The following ZFYVE9 variants were observed in gnomAD, a reference collection of about 807,000 sequenced individuals.
The protein encoded by ZFYVE9 is zinc finger FYVE domain-containing protein 9.
In ZFYVE9, 43 loss-of-function variants were observed where a neutral mutation model predicts 126.7. The ratio of observed to expected loss-of-function variants is 0.34; its 90% CI spans 0.27 to 0.44. The LOEUF is 0.44. Among genes scored for constraint, ZFYVE9 ranks in the 20% least tolerant of loss-of-function variants. The probability of loss-of-function intolerance (pLI) is 1.00; values close to 1 mark genes in which losing one functional copy is unlikely to be tolerated. For synonymous variants in ZFYVE9, 521 were observed against 597.4 expected (o/e 0.87, Z 1.87); for missense variants, 1,476 against 1,697.0 (o/e 0.87, Z 2.29).
rs561348268 is a variant in ZFYVE9, at chr1:52,269,144, C to A, written c.2625+512C>A. ...ACATTAGGATTGGATACTTTTTTTT[C>A]TTTTTTTGAGATAGAGTCTCTGTTG... On this transcript the variant is annotated intron_variant, in intron 7 of 18. Coordinates refer to ENST00000287727, the MANE Select transcript of ZFYVE9 (RefSeq NM_004799.4). 5.3e-5 allele frequency among the ~76,000 whole-genome samples: 8 copies of A among 151,700 alleles called. No homozygotes were observed. The East Asian group carries it at 1.5e-3, about 29-fold the overall frequency.
intron 4 of ZFYVE9, chr1:52,254,108 G>A: frequency 2.6e-6 from 2 of 756,258 alleles, no homozygotes; most frequent in Non-Finnish European, 4.5e-6. Flanking sequence ...ATACACACTG[G>A]TAGAAGAGAG....
intron 1 of ZFYVE9, among the ~76,000 whole-genome samples, chr1:52,168,494 G>A (rs996782844): frequency 6.6e-6 from 1 of 151,468 alleles, no homozygotes; most frequent in Admixed American, 6.6e-5. Flanking sequence ...TAGGATTACA[G>A]GCGTGAGCCA....
intron 1 of ZFYVE9, among the ~76,000 whole-genome samples, chr1:52,170,045 T>C (rs1297325396): frequency 6.6e-6 from 1 of 152,222 alleles, no homozygotes; most frequent in Non-Finnish European, 1.5e-5. Flanking sequence ...TGAAAAATTT[T>C]ATTGCTCTTT....
At chr1:52,318,806 C>T (rs369754452) in intron 13 of ZFYVE9, among the ~76,000 whole-genome samples, 5 of 151,898 alleles carry the variant, frequency 3.3e-5, no homozygotes, top group African/African-American at 9.7e-5. Context: ...AATTTAATAA[C>T]GATACAGTAG....
intron 1 of ZFYVE9, among the ~76,000 whole-genome samples, chr1:52,195,303 G>T (rs1644850141): frequency 6.6e-6 from 1 of 152,340 alleles, no homozygotes; most frequent in African/African-American, 2.4e-5. Flanking sequence ...TACATACCTA[G>T]TGGTTAAGAA....
chr1:52,333,321 A>G (rs1646360405), intron 14 of ZFYVE9, among the ~76,000 whole-genome samples: 3 of 151,824 alleles, frequency 2.0e-5, no homozygotes, highest in African/African-American at 7.3e-5. Flanking sequence ...CCCTTAGGAT[A>G]TTGACAAGGG....
At chr1:52,253,280 C>T (rs1645470295) in intron 4 of ZFYVE9, among the ~76,000 whole-genome samples, 1 of 152,152 alleles carries the variant, frequency 6.6e-6, no homozygotes, top group South Asian at 2.1e-4. Context: ...TTATTATTTA[C>T]AGCATCTACA....
rs554191419 is a variant in ZFYVE9 at position 52,315,756 on chromosome 1, TA to T, written c.3438+11839del. Among the ~76,000 whole-genome samples the T allele has an allele frequency of 4.6e-5, 7 of 151,936 alleles. No individual in the cohort carries two copies. The South Asian group carries it at 6.2e-4, about 14-fold the overall frequency. ...ATAGTAAATTTAAATCCAGCCATAT[TA>T]AAAAAAATGACTCAAATATAAATGA... On this transcript the variant is annotated intron_variant, in intron 13 of 18. Coordinates refer to ENST00000287727, the MANE Select transcript of ZFYVE9 (RefSeq NM_004799.4).
At chr1:52,191,181 C>G (rs1036474336) in intron 1 of ZFYVE9, among the ~76,000 whole-genome samples, 1 of 152,148 alleles carries the variant, frequency 6.6e-6, no homozygotes, top group Non-Finnish European at 1.5e-5. Context: ...CTCAAGCAGT[C>G]CACCTGCTTT....
chr1:52,241,262 G>T (rs1174606658), intron 4 of ZFYVE9, among the ~76,000 whole-genome samples: 2 of 152,174 alleles, frequency 1.3e-5, no homozygotes, highest in East Asian at 3.9e-4. Flanking sequence ...TTTACTAGAA[G>T]ATCCTAGCAC....
chr1:52,180,034 A>T (rs547909693), intron 1 of ZFYVE9: 2 of 834,566 alleles, frequency 2.4e-6, no homozygotes, highest in East Asian at 4.8e-5. Context: ...AATGAGGAGG[A>T]TGAATGTGCT....
intron 10 of ZFYVE9, 24 bp downstream of exon 10, chr1:52,281,840 C>G (rs1645808608): frequency 6.2e-7 from 1 of 1,612,858 alleles, no homozygotes; most frequent in Admixed American, 1.7e-5. Context: ...ATGACTTAGT[C>G]TGCTCCCTTT....
At chr1:52,270,081 CT>C (rs917376514) in intron 7 of ZFYVE9, among the ~76,000 whole-genome samples, 16 of 151,398 alleles carry the variant, frequency 1.1e-4, no homozygotes, top group Non-Finnish European at 2.2e-4. Context: ...AGTACACACG[CT>C]TTTTTTTTAT....
chr1:52,233,493 G>A (rs888089418), intron 3 of ZFYVE9, among the ~76,000 whole-genome samples: 1 of 152,270 alleles, frequency 6.6e-6, no homozygotes, highest in East Asian at 1.9e-4. Flanking sequence ...GATGAGAATA[G>A]AGGCACAGAG....
chr1:52,209,285 G>GA (rs1368425710), intron 1 of ZFYVE9, among the ~76,000 whole-genome samples: 3 of 152,180 alleles, frequency 2.0e-5, no homozygotes, highest in African/African-American at 7.2e-5. Context: ...GCAAAGTTTG[G>GA]AGAGGGTTCA....
In ZFYVE9 at chr1:52,238,474, A is replaced by C. The variant is rs750806873; in HGVS notation, c.1057A>C (p.Asn353His). 2 of 1,614,104 alleles carry C rather than the reference A, an allele frequency of 1.2e-6. No individual in the cohort carries two copies. Among genetic ancestry groups the C allele is most frequent in the Non-Finnish European group, 8.5e-7 (1 of 1,179,968 alleles). ...CATGCCTAATGGGTCTGGAAGGAAT[A>C]ATGACTGTGAACGGTGTTCAGATTG... is the stretch of plus-strand genomic sequence containing the variant. ...PDMPNGSGRNNDCERCSDCLV... is the reference protein window; with the variant it reads ...PDMPNGSGRNHDCERCSDCLV... Residue 353 changes from asparagine (N) to histidine (H), a missense_variant, in exon 4 of 19, where the codon AAT becomes CAT. Transcript: ENST00000287727.
chr1:52,238,707 C>T lies in ZFYVE9; in HGVS notation c.1290C>T (p.Asp430=), dbSNP rs140084613. 2.9e-4 allele frequency: 464 copies of T among 1,613,964 alleles called. No homozygotes were observed. The highest frequency in any genetic ancestry group is 3.7e-4 in the Non-Finnish European group (436 of 1,179,978). Residue 430 remains aspartate (D), a synonymous_variant, in exon 4 of 19, where the codon GAC becomes GAT. Transcript: ENST00000287727. ...TTCTACAGATTAGTCAGCCTGAGGA[C>T]ACTAATGGTGATAGTGGAGGACAGT... is the stretch of plus-strand genomic sequence containing the variant. ...EKFLQISQPE[D]TNGDSGGQCV...
Position 52,239,592 on chromosome 1 carries a change from G to A in ZFYVE9, c.2175G>A (p.Gly725=), listed in dbSNP as rs1333484967. ...GGAGGCATCACTGCAGAGCATGTGG[G>A]AAGGTAAGTTGCATGTATACACTCA... The part of the protein sequence containing the change: ...TKRRHHCRAC[G]KVFCASCCSL... The change falls in exon 4 of 19, where the codon GGG becomes GGA. Residue 725 remains glycine, a synonymous_variant. Transcript: ENST00000287727. The A allele has an allele frequency of 1.2e-6, 2 of 1,609,382 alleles. No individual in the cohort carries two copies. The highest frequency in any genetic ancestry group is 2.7e-5 in the African/African-American group (2 of 74,816).
At chr1:52,158,552 T>C (rs905428638) in intron 1 of ZFYVE9, among the ~76,000 whole-genome samples, 2 of 152,226 alleles carry the variant, frequency 1.3e-5, no homozygotes, top group African/African-American at 2.4e-5. Flanking sequence ...CTTCTAGGTT[T>C]TCCAAATCAG....
Sources: allele counts gnomAD v4.1 joint callset (sites outside exome capture counted in the v4.1 genomes callset), GRCh38; gene constraint gnomAD v4.1.1; transcripts MANE v1.5; gene names NCBI Gene and HGNC (gene_info 2026-07-23, HGNC 2026-07-21).